HMGB1: variants seen among roughly 807,000 people sequenced by gnomAD.
HMGB1 encodes the protein high mobility group protein B1.
For missense variants in HMGB1, 79 were observed against 253.5 expected (o/e 0.31, Z 4.67); for synonymous variants, 81 against 84.0 (o/e 0.96, Z 0.19).
Position 30,461,381 on chromosome 13 carries a change from T to TTCA in HMGB1, c.621_623dup (p.Asp207dup). On this transcript the variant is annotated inframe_insertion, in exon 5 of 5. Coordinates refer to ENST00000341423, the MANE Select transcript of HMGB1 (RefSeq NM_002128.7). ...CTTATTCATCATCATCATCTTCTTCTTCATCTTCATCTTCTTCATCTTCCT... is the reference window on the plus strand; with the variant it reads ...CTTATTCATCATCATCATCTTCTTCTTCATCATCTTCATCTTCTTCATCTTCCT... 6.4e-7 allele frequency: 1 copy of TTCA among 1,564,122 alleles called. No individual in the cohort carries two copies. The highest frequency in any genetic ancestry group is 1.2e-5 in the South Asian group (1 of 82,400).
chr13:30,464,693 C>A, intron 1 of HMGB1: 2 of 951,012 alleles, frequency 2.1e-6, no homozygotes, highest in Non-Finnish European at 2.5e-6. Context: ...ATGGCCGCTG[C>A]GCGTCTTCTC....
At chr13:30,549,298 AC>A (rs1175246672) in intron 1 of HMGB1, among the ~76,000 whole-genome samples, 1 of 152,160 alleles carries the variant, frequency 6.6e-6, no homozygotes, top group African/African-American at 2.4e-5. Flanking sequence ...ATAAATAAAT[AC>A]GAATGTCTGA....
At chr13:30,606,183 T>C (rs1950456629) in intron 1 of HMGB1, among the ~76,000 whole-genome samples, 1 of 152,232 alleles carries the variant, frequency 6.6e-6, no homozygotes, top group African/African-American at 2.4e-5. Flanking sequence ...GAACTTGTTT[T>C]TCTATTCTAG....
chr13:30,600,931 A>T (rs879521727), intron 1 of HMGB1, among the ~76,000 whole-genome samples: 1 of 152,204 alleles, frequency 6.6e-6, no homozygotes, highest in Non-Finnish European at 1.5e-5. Flanking sequence ...TCCCAAGCCA[A>T]GCCATCACTT....
At chr13:30,604,357 T>TA in intron 1 of HMGB1, among the ~76,000 whole-genome samples, 1 of 152,166 alleles carries the variant, frequency 6.6e-6, no homozygotes, top group East Asian at 1.9e-4. Flanking sequence ...AATAGGAGGG[T>TA]AATGCTATAA....
At chr13:30,561,227 G>A (rs1021064523) in intron 1 of HMGB1, among the ~76,000 whole-genome samples, 6 of 152,204 alleles carry the variant, frequency 3.9e-5, no homozygotes, top group African/African-American at 1.4e-4. Flanking sequence ...TCAGAAAGGA[G>A]GGAATGGTCA....
At position 30,463,543 on chromosome 13, in the gene HMGB1, T is replaced by G; in HGVS notation, c.138A>C (p.Ser46=). 1 of 1,612,230 alleles carries G rather than the reference T, an allele frequency of 6.2e-7. No homozygotes were observed. Among genetic ancestry groups the G allele is most frequent in the African/African-American group, 1.3e-5 (1 of 74,978 alleles). The part of the protein sequence containing the change: ...VNFSEFSKKC[S]ERWKTMSAKE... ...TAAGCCCTCTTACCTTCCACCTCTC[T>G]GAGCACTTCTTAGAAAACTCTGAGA... The change falls in exon 2 of 5, where the codon TCA becomes TCC. Residue 46 remains serine (S), a synonymous_variant. Transcript: ENST00000341423.
intron 1 of HMGB1, among the ~76,000 whole-genome samples, chr13:30,538,639 C>CTTTCTTTCT (rs1213599552): frequency 1.6e-5 from 1 of 60,812 alleles, no homozygotes; most frequent in Non-Finnish European, 3.1e-5. Context: ...CTTTTTCTTT[C>CTTTCTTTCT]TTCCTTTCTT....
chr13:30,484,058 A>G (rs1490362157), intron 1 of HMGB1, among the ~76,000 whole-genome samples: 2 of 152,162 alleles, frequency 1.3e-5, no homozygotes, highest in African/African-American at 2.4e-5. Context: ...TCTTTCCAGC[A>G]GGATAACCTT....
chr13:30,523,907 G>GT (rs1189419302), intron 1 of HMGB1, among the ~76,000 whole-genome samples: 30 of 151,588 alleles, frequency 2.0e-4, no homozygotes, highest in South Asian at 8.4e-4. Flanking sequence ...TTCCCCCACT[G>GT]TTTTTTTTGT....
intron 1 of HMGB1, among the ~76,000 whole-genome samples, chr13:30,549,706 TG>T (rs1386346972): frequency 1.4e-5 from 1 of 70,148 alleles, no homozygotes; most frequent in African/African-American, 3.2e-5. Context: ...AAACACTAAT[TG>T]TTTGTTTTTT....
intron 1 of HMGB1, among the ~76,000 whole-genome samples, chr13:30,569,266 T>C (rs2137532458): frequency 6.6e-6 from 1 of 152,344 alleles, no homozygotes; most frequent in East Asian, 1.9e-4. Context: ...TATATGATTA[T>C]AAAAGTGCTC....
At chr13:30,490,656 A>G (rs1417933214) in intron 1 of HMGB1, among the ~76,000 whole-genome samples, 2 of 151,976 alleles carry the variant, frequency 1.3e-5, no homozygotes, top group East Asian at 3.9e-4. Flanking sequence ...TTCGGCGAAT[A>G]AAAAAGAATT....
At position 30,564,278 on chromosome 13, in the gene HMGB1, CAAAAAA is replaced by C. The variant is rs60208654; in HGVS notation, c.-15+52387_-15+52392del. Among the ~76,000 whole-genome samples, 174 of 105,830 alleles carry C rather than the reference CAAAAAA, an allele frequency of 1.6e-3. 1 individual carries two copies. Among genetic ancestry groups the C allele is most frequent in the African/African-American group, 5.4e-3 (168 of 31,126 alleles). 69.4% of individuals were successfully genotyped at this position (105,830 alleles called of 152,430 possible). ...CAAAAACCCGGCTCTACTAAAAATG[CAAAAAA>C]AAAAAAAAAAAAAAAAATTTAGCTG... On this transcript the variant is annotated intron_variant, in intron 1 of 4. Transcript: ENST00000405805.
chr13:30,493,879 G>A (rs1887553380), intron 1 of HMGB1, among the ~76,000 whole-genome samples: 1 of 151,984 alleles, frequency 6.6e-6, no homozygotes, highest in Non-Finnish European at 1.5e-5. Context: ...TCAGGAGGCT[G>A]AGGTGGGGGA....
chr13:30,599,980 T>C (rs1207699864), intron 1 of HMGB1, among the ~76,000 whole-genome samples: 2 of 152,246 alleles, frequency 1.3e-5, no homozygotes, highest in African/African-American at 4.8e-5. Context: ...CATGATGATC[T>C]GAATTTATTA....
At position 30,546,230 on chromosome 13, in the gene HMGB1, C is replaced by T. The variant is rs9508792; in HGVS notation, c.-15+70441G>A. ...TCCCGGGTTCAAGCAATTCCCCTGC[C>T]TCAGCCTCCCGAGTAGCTGGGACTA... On this transcript the variant is annotated intron_variant, in intron 1 of 4. Coordinates refer to the HMGB1 transcript ENST00000405805. Among the ~76,000 whole-genome samples, 1,160 of 152,294 alleles carry T rather than the reference C, an allele frequency of 7.6e-3. 8 individuals are homozygous for T. The highest frequency in any genetic ancestry group is 0.011 in the Non-Finnish European group (742 of 68,022).
At chr13:30,580,634 T>C (rs570096558) in intron 1 of HMGB1, among the ~76,000 whole-genome samples, 1 of 152,212 alleles carries the variant, frequency 6.6e-6, no homozygotes, top group Non-Finnish European at 1.5e-5. Context: ...GGAAAACAGA[T>C]ACCAATCATT....
At chr13:30,498,647 T>C (rs1887666201) in intron 1 of HMGB1, among the ~76,000 whole-genome samples, 1 of 149,038 alleles carries the variant, frequency 6.7e-6, no homozygotes, top group Non-Finnish European at 1.5e-5. Context: ...TTATTATTAT[T>C]ATTATTATTA....
Sources: allele counts gnomAD v4.1 joint callset (sites outside exome capture counted in the v4.1 genomes callset), GRCh38; gene constraint gnomAD v4.1.1; transcripts MANE v1.5; gene names NCBI Gene and HGNC (gene_info 2026-07-23, HGNC 2026-07-21).